AZIN2: variants seen among roughly 807,000 people sequenced by gnomAD.
AZIN2 encodes the protein ODC antizyme inhibitor-2.
AZIN2 carries 28 observed loss-of-function variants against 47.8 expected under a neutral mutation model. The observed-to-expected ratio is 0.59, with a 90% CI of 0.43 to 0.80. AZIN2 has a LOEUF of 0.80. AZIN2 is among the 30% of genes least tolerant of loss of function. The pLI, the probability that AZIN2 is intolerant of heterozygous loss-of-function variation, is 0.00. For missense variants in AZIN2, 535 were observed against 582.5 expected (o/e 0.92, Z 0.84); for synonymous variants, 221 against 239.4 (o/e 0.92, Z 0.71).
chr1:33,140,551 C>A, the AZIN2 span, among the ~76,000 whole-genome samples: 3 of 152,208 alleles, frequency 2.0e-5, no homozygotes, highest in African/African-American at 7.2e-5. This position sits in a 1 kb window ranked among gnomAD's most constrained non-coding sequence, Gnocchi z 4.0. Context: ...GGGAAAAAGA[C>A]TTCAAAACAT....
chr1:33,150,014 C>G, the AZIN2 span, among the ~76,000 whole-genome samples: 1 of 152,182 alleles, frequency 6.6e-6, no homozygotes, highest in African/African-American at 2.4e-5. Context: ...GCTGGCCACA[C>G]CGGCTTAGCA....
chr1:33,102,435 C>G (rs1643774535), intron 10 of AZIN2, among the ~76,000 whole-genome samples: 1 of 152,170 alleles, frequency 6.6e-6, no homozygotes, highest in African/African-American at 2.4e-5. Flanking sequence ...GGTACCTGTT[C>G]CATGATGCCA....
At chr1:33,133,959 G>C in the AZIN2 span, among the ~76,000 whole-genome samples, 74 of 152,330 alleles carry the variant, frequency 4.9e-4, 1 homozygote, top group South Asian at 0.015. Context: ...TACTCAACCT[G>C]GCGAGCTGCC....
the AZIN2 span, among the ~76,000 whole-genome samples, chr1:33,161,540 C>T: frequency 6.6e-6 from 1 of 152,128 alleles, no homozygotes; most frequent in African/African-American, 2.4e-5. The surrounding 1 kb of genome is among the most constrained non-coding windows in gnomAD (Gnocchi z 4.3). Context: ...GAACTGCTGG[C>T]GGTGGGCCAG....
the AZIN2 span, among the ~76,000 whole-genome samples, chr1:33,133,501 G>A: frequency 6.6e-6 from 1 of 152,212 alleles, no homozygotes; most frequent in Non-Finnish European, 1.5e-5. Flanking sequence ...GGTGACCTGG[G>A]ACCACCGGCG....
chr1:33,082,403 G>A (rs1557659279), intron 4 of AZIN2, 49 bp downstream of exon 4: 1 of 1,423,490 alleles, frequency 7.0e-7, no homozygotes. Flanking sequence ...GTACAGATCA[G>A]CTGCCTCCTC....
At chr1:33,155,178 T>C in the AZIN2 span, among the ~76,000 whole-genome samples, 2 of 150,320 alleles carry the variant, frequency 1.3e-5, no homozygotes, top group East Asian at 4.2e-4. Flanking sequence ...TTCAAGCCAT[T>C]CTCCCACCTC....
chr1:33,091,945 G>C, intron 5 of AZIN2, 105 bp from the exon 6 acceptor site: 5 of 1,225,076 alleles, frequency 4.1e-6, no homozygotes, highest in Non-Finnish European at 5.8e-6. Flanking sequence ...ACTGTTATGG[G>C]CCTCCCTATG....
chr1:33,141,650 C>T, the AZIN2 span, among the ~76,000 whole-genome samples: 7 of 152,152 alleles, frequency 4.6e-5, no homozygotes, highest in African/African-American at 1.7e-4. Flanking sequence ...CAGTGTCAAC[C>T]CTTCCCCCTC....
chr1:33,144,103 C>T, the AZIN2 span, among the ~76,000 whole-genome samples: 18 of 151,148 alleles, frequency 1.2e-4, no homozygotes, highest in South Asian at 3.4e-3. Context: ...TACATGCAAA[C>T]GTTGATATAT....
chr1:33,135,311 CCAAA>C, the AZIN2 span, among the ~76,000 whole-genome samples: 1 of 151,932 alleles, frequency 6.6e-6, no homozygotes. Flanking sequence ...AACAAACAAA[CCAAA>C]CAAAAACAAC....
chr1:33,116,481 CCT>C (rs2124660426), intron 10 of AZIN2, among the ~76,000 whole-genome samples: 1 of 152,226 alleles, frequency 6.6e-6, no homozygotes, highest in East Asian at 1.9e-4. Context: ...CTTTTTCTCC[CCT>C]TTGTCATTCT....
the AZIN2 span, among the ~76,000 whole-genome samples, chr1:33,162,525 C>T: frequency 8.5e-5 from 13 of 152,378 alleles, no homozygotes; most frequent in African/African-American, 3.1e-4. Flanking sequence ...GCTCTGCACC[C>T]CTGTGCCCAT....
In AZIN2 at chr1:33,113,879, T is replaced by C. The variant is rs936134747; in HGVS notation, c.1030-4023T>C. On this transcript the variant is annotated intron_variant, in intron 10 of 11. Coordinates refer to ENST00000294517, the MANE Select transcript of AZIN2 (RefSeq NM_052998.4). This position sits in a 1 kb window ranked among gnomAD's most constrained non-coding sequence, Gnocchi z 4.1. ...CTACTTCATGGTATGTTGACATGTA[T>C]TGGGAAAATTAAACTTGAACTGTAG... is the stretch of plus-strand genomic sequence containing the variant. Among the ~76,000 whole-genome samples, 1 of 152,204 alleles carries C rather than the reference T, an allele frequency of 6.6e-6. No homozygotes were observed. The highest frequency in any genetic ancestry group is 2.1e-4 in the South Asian group (1 of 4,834).
intron 5 of AZIN2, among the ~76,000 whole-genome samples, chr1:33,089,103 GGT>G (rs1257121640): frequency 1.3e-5 from 2 of 152,164 alleles, no homozygotes; most frequent in African/African-American, 2.4e-5. Context: ...GTTAAGAGCT[GGT>G]GTGCTAAGGT....
At chr1:33,158,548 T>C in the AZIN2 span, among the ~76,000 whole-genome samples, 1 of 152,236 alleles carries the variant, frequency 6.6e-6, no homozygotes. Context: ...ATTCCCTCAG[T>C]CTTCTCATCT....
chr1:33,155,585 CCCGA>C, the AZIN2 span, among the ~76,000 whole-genome samples: 1 of 152,164 alleles, frequency 6.6e-6, no homozygotes, highest in African/African-American at 2.4e-5. Context: ...GGCTCTGGGG[CCCGA>C]CGTTGGGGTT....
At chr1:33,148,263 C>T in the AZIN2 span, among the ~76,000 whole-genome samples, 172 of 152,322 alleles carry the variant, frequency 1.1e-3, 1 homozygote, top group South Asian at 3.1e-3. Flanking sequence ...TCCCAGCAGA[C>T]ATTCATGTGG....
Position 33,121,303 on chromosome 1 carries a change from C to T in AZIN2, c.*1121C>T, listed in dbSNP as rs546943204. ...AGAAGCCTGGGTGCAGTGGCTCACA[C>T]CTGTAATCCCAGCACTTTGGGAGGC... On this transcript the variant is annotated 3_prime_UTR_variant, in exon 12 of 12. Transcript: ENST00000294517. Among the ~76,000 whole-genome samples the T allele has an allele frequency of 1.3e-5, 2 of 152,316 alleles. No homozygotes were observed. The highest frequency in any genetic ancestry group is 6.5e-5 in the Admixed American group (1 of 15,308).
Sources: gnomAD v4.1 joint callset for allele counts (sites outside exome capture counted in the v4.1 genomes callset) on GRCh38, gnomAD v4.1.1 for gene constraint, Gnocchi (gnomAD v3.1) non-coding constraint, MANE v1.5 for transcripts, NCBI Gene and HGNC (gene_info 2026-07-23, HGNC 2026-07-21) for gene names.